ROBO1: variants seen among roughly 807,000 people sequenced by gnomAD.
The protein encoded by ROBO1 is roundabout guidance receptor 1.
Under a neutral mutation model 195.9 loss-of-function variants are expected in ROBO1, and 149 were observed. The observed-to-expected ratio is 0.76, with a 90% CI of 0.67 to 0.87. The LOEUF is 0.87. Among genes scored for constraint, ROBO1 ranks in the 40% least tolerant of loss-of-function variants. The pLI, the probability that ROBO1 is intolerant of heterozygous loss-of-function variation, is 0.00. For synonymous variants in ROBO1, 816 were observed against 733.2 expected (o/e 1.11, Z -1.82); for missense variants, 1,933 against 2,068.3 (o/e 0.93, Z 1.27).
intron 1 of ROBO1, among the ~76,000 whole-genome samples, chr3:79,606,328 A>T (rs568936594): frequency 1.3e-5 from 2 of 152,124 alleles, no homozygotes; most frequent in African/African-American, 2.4e-5. Flanking sequence ...CTTTCAAGCA[A>T]CGTGACTCAT....
intron 1 of ROBO1, among the ~76,000 whole-genome samples, chr3:79,701,163 A>T (rs562082104): frequency 1.2e-4 from 18 of 151,770 alleles, no homozygotes; most frequent in Non-Finnish European, 2.7e-4. Flanking sequence ...TTGAGTCTCT[A>T]TTCCATTCCA....
At chr3:79,362,143 T>G (rs2035794415) in intron 2 of ROBO1, among the ~76,000 whole-genome samples, 1 of 152,092 alleles carries the variant, frequency 6.6e-6, no homozygotes, top group Non-Finnish European at 1.5e-5. Context: ...TAATTATTAT[T>G]AATTAACGAG....
At chr3:79,005,898 C>G (rs2077608287) in intron 3 of ROBO1, among the ~76,000 whole-genome samples, 1 of 152,044 alleles carries the variant, frequency 6.6e-6, no homozygotes, top group Non-Finnish European at 1.5e-5. Context: ...ATAAGGGAAA[C>G]TAGATTTCTG....
At chr3:79,544,180 T>A (rs1411745004) in intron 2 of ROBO1, among the ~76,000 whole-genome samples, 2 of 152,048 alleles carry the variant, frequency 1.3e-5, no homozygotes, top group African/African-American at 4.8e-5. Context: ...TAAAGGCTAT[T>A]TTTAAGTCAA....
At chr3:79,216,446 T>A (rs1198840253) in intron 2 of ROBO1, among the ~76,000 whole-genome samples, 1 of 152,078 alleles carries the variant, frequency 6.6e-6, no homozygotes, top group African/African-American at 2.4e-5. Flanking sequence ...TTTAAAGAAA[T>A]GATGTTCAAG....
chr3:79,058,155 A>G (rs1437026160), intron 3 of ROBO1, among the ~76,000 whole-genome samples: 1 of 152,080 alleles, frequency 6.6e-6, no homozygotes, highest in Non-Finnish European at 1.5e-5. Flanking sequence ...GGCCCCATCT[A>G]AAACTTTAAT....
chr3:79,432,495 T>C (rs1487551282), intron 2 of ROBO1, among the ~76,000 whole-genome samples: 4 of 152,094 alleles, frequency 2.6e-5, no homozygotes, highest in Admixed American at 2.0e-4. Context: ...ATCACATCCT[T>C]AGAGTCCTAA....
chr3:78,719,830 A>T (rs1199513190), intron 5 of ROBO1, among the ~76,000 whole-genome samples: 1 of 152,188 alleles, frequency 6.6e-6, no homozygotes, highest in East Asian at 1.9e-4. Flanking sequence ...TCTTTTGTAT[A>T]TATCTTTTCT....
Position 79,210,316 on chromosome 3 carries a change from T to C in ROBO1, c.89-84777A>G, listed in dbSNP as rs550785215. Among the ~76,000 whole-genome samples, 19 of 152,156 alleles carry C rather than the reference T, an allele frequency of 1.2e-4. No homozygotes were observed. In the East Asian group the frequency reaches 2.9e-3, roughly 23 times the overall value. On this transcript the variant is annotated intron_variant, in intron 2 of 30. Coordinates refer to ENST00000464233, the MANE Select transcript of ROBO1 (RefSeq NM_002941.4). ...AAACAGCATGGTGCTGGCATCAACA[T>C]AGGCACACAGACCAATGGAACAGAA... is the stretch of plus-strand genomic sequence containing the variant.
At chr3:78,699,385 A>G (rs1427922542) in intron 8 of ROBO1, among the ~76,000 whole-genome samples, 1 of 123,050 alleles carries the variant, frequency 8.1e-6, no homozygotes. Context: ...CCCCGTCTCT[A>G]CTAAAAATAC....
At chr3:78,864,968 C>T (rs371419082) in intron 4 of ROBO1, among the ~76,000 whole-genome samples, 2 of 152,096 alleles carry the variant, frequency 1.3e-5, no homozygotes, top group African/African-American at 4.8e-5. Context: ...CGTTTGATCG[C>T]TACTTTTTTG....
At chr3:79,569,332 T>C (rs1943196257) in intron 2 of ROBO1, among the ~76,000 whole-genome samples, 1 of 152,230 alleles carries the variant, frequency 6.6e-6, no homozygotes, top group Non-Finnish European at 1.5e-5. Context: ...ATAGCTTTTA[T>C]GTCTGTGCTG....
chr3:79,324,604 A>C (rs1256748316), intron 2 of ROBO1, among the ~76,000 whole-genome samples: 1 of 152,130 alleles, frequency 6.6e-6, no homozygotes, highest in African/African-American at 2.4e-5. Flanking sequence ...AAACAAACAG[A>C]CAAAAAAAGC....
At chr3:79,030,758 G>A (rs755383460) in intron 3 of ROBO1, among the ~76,000 whole-genome samples, 2 of 152,058 alleles carry the variant, frequency 1.3e-5, no homozygotes, top group Admixed American at 6.5e-5. Context: ...GTCTCACTCT[G>A]TCGACCAGGC....
At chr3:79,571,583 C>T (rs73849616) in intron 2 of ROBO1, among the ~76,000 whole-genome samples, 2,213 of 152,086 alleles carry the variant, frequency 0.015, 45 homozygotes, top group African/African-American at 0.049. Flanking sequence ...GATGACTGAA[C>T]AAAAACTATT....
chr3:78,843,654 G>C (rs1247204366), intron 4 of ROBO1, among the ~76,000 whole-genome samples: 1 of 152,012 alleles, frequency 6.6e-6, no homozygotes, highest in East Asian at 1.9e-4. Flanking sequence ...CAAGAGATAT[G>C]TAATAATCTG....
intron 1 of ROBO1, among the ~76,000 whole-genome samples, chr3:79,633,353 C>CTTTTTTTT: frequency 8.3e-6 from 1 of 119,900 alleles, no homozygotes; most frequent in Non-Finnish European, 1.6e-5. Context: ...TTTTGCATTT[C>CTTTTTTTT]TTTTTTTTTT....
chr3:79,207,279 G>T lies in ROBO1; in HGVS notation c.89-81740C>A, dbSNP rs376011674. Among the ~76,000 whole-genome samples the T allele has an allele frequency of 2.6e-5, 4 of 152,226 alleles. No individual in the cohort carries two copies. In the South Asian group the frequency reaches 6.2e-4, roughly 24 times the overall value. ...ATCCCATTTTCCAAAATCATTAGTAGAAGAACTTCTACATGTCATAAAACA... is the reference window on the plus strand; with the variant it reads ...ATCCCATTTTCCAAAATCATTAGTATAAGAACTTCTACATGTCATAAAACA... On this transcript the variant is annotated intron_variant, in intron 2 of 30. Transcript: ENST00000464233.
chr3:79,105,817 G>A (rs575302897), intron 3 of ROBO1, among the ~76,000 whole-genome samples: 78 of 151,810 alleles, frequency 5.1e-4, no homozygotes, highest in Non-Finnish European at 7.2e-4. Context: ...CAATTTCAGC[G>A]TAGTGTTGGT....
Sources: gnomAD v4.1 joint callset for allele counts (sites outside exome capture counted in the v4.1 genomes callset) on GRCh38, gnomAD v4.1.1 for gene constraint, MANE v1.5 for transcripts, NCBI Gene and HGNC (gene_info 2026-07-23, HGNC 2026-07-21) for gene names.